RGS20: variants seen among roughly 807,000 people sequenced by gnomAD.
RGS20 encodes the protein regulator of G protein signaling 20, also known as gz-selective GTPase-activating protein.
Under a neutral mutation model 33.6 loss-of-function variants are expected in RGS20, and 30 were observed. That is an observed-to-expected ratio of 0.89 (90% CI 0.67 to 1.21). The LOEUF (loss-of-function observed/expected upper bound fraction) is 1.21, where lower values mean the gene tolerates loss of function less well. Among genes scored for constraint, RGS20 ranks in the 50% most tolerant of loss-of-function variants. RGS20 has a pLI of 0.00. For synonymous variants in RGS20, 208 were observed against 197.9 expected, an observed-to-expected ratio of 1.05 and a Z score of -0.43; for missense variants, 472 against 502.4, an observed-to-expected ratio of 0.94 and a Z score of 0.58.
chr8:53,852,083 T>G (rs1444725108), intron 1 of RGS20: 1 of 1,584,746 alleles, frequency 6.3e-7, no homozygotes, highest in Non-Finnish European at 8.6e-7. Flanking sequence ...ATTTCCACAA[T>G]CCATGATCCT....
Position 53,879,380 on chromosome 8 carries a change from G to C in RGS20, c.288G>C (p.Glu96Asp), listed in dbSNP as rs760318912. 3 of 1,611,226 alleles carry C rather than the reference G, an allele frequency of 1.9e-6. No homozygotes were observed. The highest frequency in any genetic ancestry group is 3.3e-5 in the Admixed American group (2 of 59,978). Residue 96 changes from glutamate (E) to aspartate (D), a missense_variant, in exon 2 of 6, where the codon GAG (glutamate) becomes GAC (aspartate). Coordinates refer to ENST00000297313, the MANE Select transcript of RGS20 (RefSeq NM_170587.4). ...ACCTTCTCCGGCGACCCCCTCCCGA[G>C]GCTCCCCGGAGGCGCCTGGACTTCT... is the stretch of plus-strand genomic sequence containing the variant.
chr8:53,932,424 G>A (rs776738576), intron 2 of RGS20, among the ~76,000 whole-genome samples: 1 of 152,168 alleles, frequency 6.6e-6, no homozygotes, highest in African/African-American at 2.4e-5. Context: ...GACCTGGGAT[G>A]CTTAAGCTTG....
At chr8:53,933,117 C>A (rs931599318) in intron 2 of RGS20, among the ~76,000 whole-genome samples, 1 of 152,134 alleles carries the variant, frequency 6.6e-6, no homozygotes, top group African/African-American at 2.4e-5. Flanking sequence ...TCACCAACAT[C>A]AAAAACCAAA....
intron 1 of RGS20, among the ~76,000 whole-genome samples, chr8:53,855,133 C>T (rs1811644725): frequency 6.6e-6 from 1 of 151,978 alleles, no homozygotes; most frequent in Admixed American, 6.5e-5. Flanking sequence ...GGGGCAATCT[C>T]GGCTCACTGC....
At chr8:53,948,384 A>G (rs1183598096) in intron 4 of RGS20, among the ~76,000 whole-genome samples, 1 of 142,720 alleles carries the variant, frequency 7.0e-6, no homozygotes, top group Non-Finnish European at 1.5e-5. Context: ...ATATTTATAT[A>G]TGCTATATAT....
intron 2 of RGS20, among the ~76,000 whole-genome samples, chr8:53,892,691 G>A (rs1812747111): frequency 6.6e-6 from 1 of 152,188 alleles, no homozygotes; most frequent in South Asian, 2.1e-4. Flanking sequence ...ATGTACAGCA[G>A]AGGGTTCAAG....
intron 2 of RGS20, among the ~76,000 whole-genome samples, chr8:53,928,610 G>T (rs1813867003): frequency 2.0e-5 from 3 of 152,104 alleles, no homozygotes; most frequent in Admixed American, 1.3e-4. Flanking sequence ...GATCACCTGA[G>T]GTCAGGAGTT....
At chr8:53,929,855 C>A (rs1270249344) in intron 2 of RGS20, among the ~76,000 whole-genome samples, 1 of 151,956 alleles carries the variant, frequency 6.6e-6, no homozygotes, top group East Asian at 1.9e-4. Context: ...TGACATAGGG[C>A]TAGAGAGTTA....
At chr8:53,898,268 G>T (rs953989509) in intron 2 of RGS20, among the ~76,000 whole-genome samples, 4 of 152,128 alleles carry the variant, frequency 2.6e-5, no homozygotes, top group Non-Finnish European at 5.9e-5. Flanking sequence ...CACCTTCAGA[G>T]GATACCAGAT....
intron 1 of RGS20, among the ~76,000 whole-genome samples, chr8:53,869,496 T>G: frequency 6.6e-6 from 1 of 152,014 alleles, no homozygotes; most frequent in East Asian, 1.9e-4. Flanking sequence ...GCCAACATGG[T>G]GAAACCCTGT....
intron 2 of RGS20, among the ~76,000 whole-genome samples, chr8:53,916,237 G>A (rs1813479738): frequency 1.3e-5 from 2 of 152,134 alleles, no homozygotes; most frequent in South Asian, 2.1e-4. Context: ...GCCCAGGGTG[G>A]TCTTGAACTC....
chr8:53,922,422 C>A (rs898693130), intron 2 of RGS20, among the ~76,000 whole-genome samples: 5 of 152,118 alleles, frequency 3.3e-5, no homozygotes, highest in African/African-American at 4.8e-5. Flanking sequence ...TTGTAGACAG[C>A]ATATAGTTGG....
At chr8:53,925,215 G>C (rs1012510830) in intron 2 of RGS20, among the ~76,000 whole-genome samples, 4 of 152,154 alleles carry the variant, frequency 2.6e-5, no homozygotes. Context: ...AACAGAATCA[G>C]TGATCAAAGT....
intron 2 of RGS20, among the ~76,000 whole-genome samples, chr8:53,927,443 G>A (rs1037710245): frequency 2.0e-5 from 3 of 152,152 alleles, no homozygotes; most frequent in South Asian, 4.2e-4. Flanking sequence ...GAGCTCAAGC[G>A]ATCCACCCGC....
intron 2 of RGS20, among the ~76,000 whole-genome samples, chr8:53,886,851 T>C (rs1812559886): frequency 6.6e-6 from 1 of 152,218 alleles, no homozygotes; most frequent in African/African-American, 2.4e-5. Flanking sequence ...ATACAGCTGT[T>C]GAATTTTTGC....
chr8:53,934,925 G>A (rs1280198373), intron 2 of RGS20, among the ~76,000 whole-genome samples: 1 of 152,178 alleles, frequency 6.6e-6, no homozygotes, highest in Admixed American at 6.5e-5. Context: ...AGGCCACAGT[G>A]CAATCAAATT....
At chr8:53,894,759 T>C (rs761450668) in intron 2 of RGS20, among the ~76,000 whole-genome samples, 2 of 152,142 alleles carry the variant, frequency 1.3e-5, no homozygotes, top group Non-Finnish European at 2.9e-5. Flanking sequence ...TCCCTATTAA[T>C]AAATGGGATC....
At chr8:53,864,025 T>C (rs2129268868) in intron 1 of RGS20, among the ~76,000 whole-genome samples, 1 of 152,194 alleles carries the variant, frequency 6.6e-6, no homozygotes, top group East Asian at 1.9e-4. Context: ...TTATCTTCTA[T>C]AAAATCAAGA....
intron 2 of RGS20, among the ~76,000 whole-genome samples, chr8:53,894,542 G>A (rs1812800702): frequency 6.6e-6 from 1 of 152,136 alleles, no homozygotes; most frequent in Admixed American, 6.5e-5. Flanking sequence ...GACCTTCTGG[G>A]AAAAGGACTC....
Sources: allele counts gnomAD v4.1 joint callset (sites outside exome capture counted in the v4.1 genomes callset), GRCh38; gene constraint gnomAD v4.1.1; transcripts MANE v1.5; gene names NCBI Gene and HGNC (gene_info 2026-07-23, HGNC 2026-07-21).